ZNF69: variants seen among roughly 807,000 people sequenced by gnomAD.
ZNF69 encodes the protein zinc finger protein 69, also known as ZNF3.
Under a neutral mutation model 50.9 loss-of-function variants are expected in ZNF69, and 47 were observed. That is an observed-to-expected ratio of 0.92 (90% confidence interval 0.73 to 1.18). ZNF69 has a LOEUF of 1.18. ZNF69 is among the 50% of genes most tolerant of loss of function. ZNF69 has a pLI of 0.00. For missense variants in ZNF69, 717 were observed against 675.1 expected, an observed-to-expected ratio of 1.06 and a Z score of -0.69; for synonymous variants, 216 against 223.1, an observed-to-expected ratio of 0.97 and a Z score of 0.29.
intron 1 of ZNF69, among the ~76,000 whole-genome samples, chr19:11,892,851 G>C (rs1371812336): frequency 1.3e-5 from 2 of 152,088 alleles, no homozygotes; most frequent in African/African-American, 4.8e-5. Flanking sequence ...TTGTTTGTTT[G>C]TTTGTTTTGA....
chr19:11,911,337 G>T (rs1372260571), downstream of ZNF69, among the ~76,000 whole-genome samples: 1 of 152,126 alleles, frequency 6.6e-6, no homozygotes, highest in Non-Finnish European at 1.5e-5. Flanking sequence ...ATACCCAAAG[G>T]ATTATAAATC....
chr19:11,976,817 A>G, the ZNF69 span: 1 of 1,334,040 alleles, frequency 7.5e-7, no homozygotes, highest in East Asian at 2.9e-5. Flanking sequence ...TCGCATCATT[A>G]TACTCCAGCC....
chr19:11,920,976 A>G, the ZNF69 span, among the ~76,000 whole-genome samples: 2 of 152,078 alleles, frequency 1.3e-5, no homozygotes, highest in Admixed American at 1.3e-4. Flanking sequence ...TTACAGCTCT[A>G]CCCTCCAAAG....
chr19:11,956,677 G>A, the ZNF69 span: 1,020 of 395,830 alleles, frequency 2.6e-3, 9 homozygotes, highest in African/African-American at 0.02. Flanking sequence ...CCAAAATGGC[G>A]AAACCCCATC....
At chr19:11,896,850 C>T (rs1972134159) in intron 1 of ZNF69, among the ~76,000 whole-genome samples, 1 of 152,204 alleles carries the variant, frequency 6.6e-6, no homozygotes, top group Admixed American at 6.5e-5. Context: ...AACAAACTGC[C>T]TTGTAAATTT....
chr19:11,928,332 C>G, the ZNF69 span, among the ~76,000 whole-genome samples: 2 of 152,154 alleles, frequency 1.3e-5, no homozygotes, highest in Non-Finnish European at 2.9e-5. Flanking sequence ...TCCCCCAGAG[C>G]TTGTTTTCTT....
chr19:11,897,838 C>G (rs1166162727), intron 1 of ZNF69, among the ~76,000 whole-genome samples: 1 of 148,270 alleles, frequency 6.7e-6, no homozygotes, highest in Non-Finnish European at 1.5e-5. Context: ...CGCCACTGCA[C>G]TCCAGCCTGG....
chr19:11,979,461 A>C, the ZNF69 span: 3,686 of 1,605,636 alleles, frequency 2.3e-3, 5 homozygotes, highest in Middle Eastern at 3.8e-3. Context: ...AGACCTTATA[A>C]ATGTAAGACA....
the ZNF69 span, among the ~76,000 whole-genome samples, chr19:11,941,264 G>T: frequency 3.9e-5 from 6 of 152,392 alleles, no homozygotes; most frequent in African/African-American, 1.4e-4. Flanking sequence ...GCTGCAGGTG[G>T]AGCTGCCTGC....
the ZNF69 span, among the ~76,000 whole-genome samples, chr19:11,973,172 C>T: frequency 6.6e-6 from 1 of 152,116 alleles, no homozygotes; most frequent in Non-Finnish European, 1.5e-5. Flanking sequence ...CCCCTGTGCT[C>T]CTCCTAATTC....
At chr19:11,947,034 A>G in the ZNF69 span, 1 of 1,320,746 alleles carries the variant, frequency 7.6e-7, no homozygotes, top group Admixed American at 2.7e-5. Context: ...GAAAGTAAGT[A>G]TAGATGGAGA....
At chr19:11,926,929 A>T in the ZNF69 span, among the ~76,000 whole-genome samples, 11 of 152,296 alleles carry the variant, frequency 7.2e-5, no homozygotes, top group South Asian at 2.3e-3. Context: ...AGTACTCCAA[A>T]ACTGGAAGTT....
chr19:11,920,494 G>A, the ZNF69 span, among the ~76,000 whole-genome samples: 3 of 152,102 alleles, frequency 2.0e-5, no homozygotes, highest in Non-Finnish European at 4.4e-5. Flanking sequence ...TGCCCAAGGT[G>A]GTCATAGGCC....
chr19:11,972,966 T>G, the ZNF69 span, among the ~76,000 whole-genome samples: 1 of 152,144 alleles, frequency 6.6e-6, no homozygotes, highest in Non-Finnish European at 1.5e-5. Flanking sequence ...TGACTGTGTG[T>G]AGTATATCCC....
At chr19:11,894,601 T>C (rs1977178570) in intron 1 of ZNF69, among the ~76,000 whole-genome samples, 1 of 152,162 alleles carries the variant, frequency 6.6e-6, no homozygotes, top group African/African-American at 2.4e-5. Flanking sequence ...TTGGAGGGTC[T>C]AGTGAGTATC....
chr19:11,903,326 A>G (rs976816266), intron 1 of ZNF69, among the ~76,000 whole-genome samples: 2 of 152,162 alleles, frequency 1.3e-5, no homozygotes, highest in Non-Finnish European at 2.9e-5. Flanking sequence ...AGGCTGAGGA[A>G]GAAGAAGTGG....
chr19:11,974,662 G>T, the ZNF69 span, among the ~76,000 whole-genome samples: 1 of 152,108 alleles, frequency 6.6e-6, no homozygotes, highest in African/African-American at 2.4e-5. Context: ...GAGTGCGGGG[G>T]CATGATCTCA....
At chr19:11,925,191 G>T in the ZNF69 span, 2 of 1,611,564 alleles carry the variant, frequency 1.2e-6, no homozygotes, top group African/African-American at 2.7e-5. Context: ...CCAGGCTTCT[G>T]TCGCTCTGTC....
intron 1 of ZNF69, among the ~76,000 whole-genome samples, chr19:11,893,332 A>C (rs1420101926): frequency 2.0e-5 from 3 of 152,164 alleles, no homozygotes; most frequent in Non-Finnish European, 4.4e-5. Flanking sequence ...AATTTTCCAC[A>C]ATCTCCAGGG....
Sources: allele counts gnomAD v4.1 joint callset (sites outside exome capture counted in the v4.1 genomes callset), GRCh38; gene constraint gnomAD v4.1.1; transcripts MANE v1.5; gene names NCBI Gene and HGNC (gene_info 2026-07-23, HGNC 2026-07-21).